Variants in FHIT observed in about 807,000 individuals in gnomAD.
FHIT encodes bis(5'-adenosyl)-triphosphatase.
A neutral mutation model predicts 17.9 loss-of-function variants in FHIT; 19 were observed. That is an observed-to-expected ratio of 1.06 (90% CI 0.74 to 1.56). The LOEUF (loss-of-function observed/expected upper bound fraction) is 1.56. FHIT is among the 40% of genes most tolerant of loss of function. The pLI, the probability that FHIT is intolerant of heterozygous loss-of-function variation, is 0.00. For synonymous variants in FHIT, 81 were observed against 69.7 expected (o/e 1.16, Z -0.81); for missense variants, 248 against 189.2 (o/e 1.31, Z -1.82).
intron 3 of FHIT, among the ~76,000 whole-genome samples, chr3:61,027,079 T>C (rs1006502723): frequency 6.6e-6 from 1 of 152,072 alleles, no homozygotes; most frequent in Non-Finnish European, 1.5e-5. Flanking sequence ...AAGCTCGTCA[T>C]GTCCTTATAC....
At chr3:59,824,279 A>G (rs7636381) in intron 8 of FHIT, among the ~76,000 whole-genome samples, 12,292 of 152,176 alleles carry the variant, frequency 0.081, 534 homozygotes, top group Middle Eastern at 0.16. Flanking sequence ...AAGAAGAAGG[A>G]AAGGGGTAAA....
intron 5 of FHIT, among the ~76,000 whole-genome samples, chr3:60,071,830 T>C (rs976027024): frequency 1.4e-4 from 22 of 152,170 alleles, no homozygotes; most frequent in Non-Finnish European, 2.8e-4. Flanking sequence ...TTCTTTCCCA[T>C]GCTGTTCTCA....
At chr3:60,044,382 G>A (rs1265839571) in intron 5 of FHIT, among the ~76,000 whole-genome samples, 1 of 152,166 alleles carries the variant, frequency 6.6e-6, no homozygotes, top group African/African-American at 2.4e-5. Context: ...CACTCCCAAA[G>A]CATGCAGAAC....
At chr3:61,030,226 TC>T (rs949274492) in intron 3 of FHIT, among the ~76,000 whole-genome samples, 3 of 152,188 alleles carry the variant, frequency 2.0e-5, no homozygotes, top group African/African-American at 7.2e-5. Context: ...CACCTCAGCC[TC>T]CCAAATTGCT....
intron 5 of FHIT, among the ~76,000 whole-genome samples, chr3:60,063,070 G>T (rs1043143263): frequency 1.7e-4 from 26 of 152,142 alleles, no homozygotes; most frequent in Non-Finnish European, 2.9e-4. Flanking sequence ...ACAGATACAT[G>T]CAAACAAATT....
At chr3:61,125,128 A>G (rs2036570982) in intron 2 of FHIT, among the ~76,000 whole-genome samples, 2 of 152,212 alleles carry the variant, frequency 1.3e-5, no homozygotes, top group Non-Finnish European at 2.9e-5. Context: ...AAAAAACTGA[A>G]AAAAATGATT....
At chr3:61,087,711 G>A (rs571361282) in intron 2 of FHIT, among the ~76,000 whole-genome samples, 66 of 152,054 alleles carry the variant, frequency 4.3e-4, no homozygotes, top group Non-Finnish European at 7.2e-4. Flanking sequence ...ACACACATAC[G>A]CACAAAATTA....
intron 5 of FHIT, among the ~76,000 whole-genome samples, chr3:60,145,202 C>T (rs1429245091): frequency 6.6e-6 from 1 of 152,076 alleles, no homozygotes; most frequent in Non-Finnish European, 1.5e-5. Flanking sequence ...AATACACAGA[C>T]CTCGGTGTTA....
intron 4 of FHIT, chr3:60,596,033 CTT>C (rs1410011641): frequency 5.3e-6 from 1 of 188,278 alleles, no homozygotes. Context: ...GAAAAACTCT[CTT>C]CTCTCCATTT....
chr3:60,590,950 AG>A (rs1201395499), intron 4 of FHIT, among the ~76,000 whole-genome samples: 3 of 152,044 alleles, frequency 2.0e-5, no homozygotes, highest in Non-Finnish European at 4.4e-5. Flanking sequence ...GGATTCATCC[AG>A]GGGGGAAAAA....
chr3:60,906,551 T>C (rs1244700435), intron 3 of FHIT, among the ~76,000 whole-genome samples: 1 of 152,220 alleles, frequency 6.6e-6, no homozygotes, highest in African/African-American at 2.4e-5. Context: ...TGACTGATTC[T>C]TGATTGGGGT....
chr3:60,026,836 C>T (rs925402236), intron 5 of FHIT, among the ~76,000 whole-genome samples: 14 of 152,074 alleles, frequency 9.2e-5, no homozygotes, highest in Admixed American at 6.6e-4. Flanking sequence ...TGGTGGCTCA[C>T]GCCTGTAATC....
At chr3:60,465,164 T>C (rs2032714712) in intron 5 of FHIT, among the ~76,000 whole-genome samples, 1 of 152,198 alleles carries the variant, frequency 6.6e-6, no homozygotes, top group Non-Finnish European at 1.5e-5. Context: ...GCCATTTGTA[T>C]GTTTCTTTTG....
chr3:60,465,885 T>C (rs562062027), intron 5 of FHIT, among the ~76,000 whole-genome samples: 5 of 152,214 alleles, frequency 3.3e-5, no homozygotes, highest in South Asian at 4.1e-4. Context: ...TGTGGTATTA[T>C]GTAAATGCTA....
intron 1 of FHIT, among the ~76,000 whole-genome samples, chr3:61,239,782 T>TATATATATATATATAC (rs895030251): frequency 1.4e-5 from 2 of 144,030 alleles, no homozygotes; most frequent in African/African-American, 2.6e-5. Context: ...TATATATATA[T>TATATATATATATATAC]ATACACAAAT....
chr3:60,751,341 T>C (rs985012224), intron 4 of FHIT, among the ~76,000 whole-genome samples: 1 of 152,264 alleles, frequency 6.6e-6, no homozygotes, highest in African/African-American at 2.4e-5. Flanking sequence ...TTTTTCTCAC[T>C]TTAATGTTGC....
intron 5 of FHIT, among the ~76,000 whole-genome samples, chr3:60,452,361 G>A (rs376034723): frequency 6.6e-6 from 1 of 152,182 alleles, no homozygotes; most frequent in East Asian, 1.9e-4. Flanking sequence ...TTTGACAGAT[G>A]TGAAAGGTTA....
At chr3:60,353,597 A>G (rs1699514821) in intron 5 of FHIT, among the ~76,000 whole-genome samples, 1 of 152,194 alleles carries the variant, frequency 6.6e-6, no homozygotes, top group Admixed American at 6.6e-5. Flanking sequence ...AGCCTTAATC[A>G]AACAAAAAAG....
At chr3:59,936,443 CATA>C (rs1247757587) in intron 7 of FHIT, among the ~76,000 whole-genome samples, 1 of 128,014 alleles carries the variant, frequency 7.8e-6, no homozygotes, top group Non-Finnish European at 1.7e-5. Context: ...TTGCTATACA[CATA>C]ATTACAGTTC....
Sources: allele counts gnomAD v4.1 joint callset (sites outside exome capture counted in the v4.1 genomes callset), GRCh38; gene constraint gnomAD v4.1.1; transcripts MANE v1.5; gene names NCBI Gene and HGNC (gene_info 2026-07-23, HGNC 2026-07-21).